The following UBOX5 variants were observed in gnomAD, a reference collection of about 807,000 sequenced individuals.
The protein encoded by UBOX5 is RING finger protein 37.
In UBOX5, 28 loss-of-function variants were observed where a neutral mutation model predicts 39.0. The observed-to-expected ratio is 0.72, with a 90% CI of 0.53 to 0.98. UBOX5 has a LOEUF of 0.98. Among genes scored for constraint, UBOX5 ranks in the 50% least tolerant of loss-of-function variants. UBOX5 has a pLI of 0.00. For synonymous variants in UBOX5, 283 were observed against 275.5 expected (o/e 1.03, Z -0.27); for missense variants, 585 against 674.4 (o/e 0.87, Z 1.47).
At chr20:3,112,674 T>C (rs931036142) in intron 4 of UBOX5, among the ~76,000 whole-genome samples, 3 of 152,006 alleles carry the variant, frequency 2.0e-5, no homozygotes, top group Admixed American at 6.6e-5. Context: ...GACACAGTGG[T>C]CGGGCACGGT....
intron 1 of UBOX5, among the ~76,000 whole-genome samples, chr20:3,140,127 T>C (rs1039703795): frequency 1.0e-4 from 15 of 150,200 alleles, no homozygotes; most frequent in African/African-American, 3.4e-4. Context: ...GCTCAAGCGA[T>C]TGTCCTGTCT....
chr20:3,146,266 G>C (rs1167553871), intron 1 of UBOX5, among the ~76,000 whole-genome samples: 2 of 151,538 alleles, frequency 1.3e-5, no homozygotes, highest in Admixed American at 6.6e-5. Flanking sequence ...GTTTGAATCT[G>C]GGAGGCGGAG....
chr20:3,119,217 G>T (rs558648216), intron 3 of UBOX5, among the ~76,000 whole-genome samples: 4 of 152,310 alleles, frequency 2.6e-5, no homozygotes, highest in African/African-American at 9.6e-5. Context: ...CCTATGGAGA[G>T]GCCCACAAGG....
intron 4 of UBOX5, among the ~76,000 whole-genome samples, chr20:3,111,944 G>A (rs1036240727): frequency 3.3e-5 from 5 of 152,098 alleles, no homozygotes; most frequent in Admixed American, 6.6e-5. Context: ...TGCCCTACAC[G>A]GGGAGCAGGA....
At chr20:3,111,718 C>G (rs2066255233) in intron 4 of UBOX5, 1 of 152,568 alleles carries the variant, frequency 6.6e-6, no homozygotes. Flanking sequence ...CTTTCCTGTG[C>G]TTTCAGAGCC....
At chr20:3,150,441 C>CA (rs1313405744) in intron 1 of UBOX5, 2 of 152,162 alleles carry the variant, frequency 1.3e-5, no homozygotes, top group Non-Finnish European at 2.9e-5. Context: ...GTATAATGCC[C>CA]ATTTTTCTCC....
chr20:3,143,347 C>A (rs1269564713), intron 1 of UBOX5, among the ~76,000 whole-genome samples: 3 of 151,974 alleles, frequency 2.0e-5, no homozygotes, highest in African/African-American at 7.2e-5. Flanking sequence ...AGTGGTCTGC[C>A]CGCCTCAGCT....
At chr20:3,133,349 T>C (rs2066444404) in intron 1 of UBOX5, among the ~76,000 whole-genome samples, 1 of 152,150 alleles carries the variant, frequency 6.6e-6, no homozygotes, top group Non-Finnish European at 1.5e-5. Context: ...GCTGAGGAAA[T>C]GGCCATGTAA....
At chr20:3,151,852 T>A (rs1270474788) in intron 1 of UBOX5, 2 of 151,516 alleles carry the variant, frequency 1.3e-5, no homozygotes, top group African/African-American at 4.8e-5. Context: ...TGCCTGTAAT[T>A]CCAGCACTTT....
intron 1 of UBOX5, among the ~76,000 whole-genome samples, chr20:3,158,740 C>T (rs1050168269): frequency 1.3e-5 from 2 of 152,224 alleles, no homozygotes; most frequent in African/African-American, 4.8e-5. Flanking sequence ...TCCCAAAGTG[C>T]TGGGATTACA....
rs2066342070 is a variant in UBOX5, at chr20:3,122,096, T to C, written c.543A>G (p.Thr181=). The change falls in exon 3 of 5, where the codon ACA becomes ACG. Residue 181 remains threonine, a synonymous_variant. Coordinates refer to ENST00000217173, the MANE Select transcript of UBOX5 (RefSeq NM_014948.4). ...AHLRICITHV[T]GGGIPCIKRL... ...GCTTGATACAAGGGATACCGCCGCC[T>C]GTCACATGGGTGATACAGATCCTTA... The C allele has an allele frequency of 3.1e-6, 5 of 1,614,264 alleles. No individual in the cohort carries two copies. In the East Asian group the frequency reaches 1.1e-4, roughly 36 times the overall value.
At chr20:3,120,092 A>G (rs903822153) in intron 3 of UBOX5, among the ~76,000 whole-genome samples, 1 of 152,148 alleles carries the variant, frequency 6.6e-6, no homozygotes, top group Admixed American at 6.6e-5. Flanking sequence ...AGTGGCTTGC[A>G]GATCCCAGCA....
At chr20:3,157,107 A>G (rs201118741) in intron 1 of UBOX5, among the ~76,000 whole-genome samples, 1 of 147,822 alleles carries the variant, frequency 6.8e-6, no homozygotes, top group African/African-American at 2.6e-5. Context: ...CCAAAAAAAA[A>G]GGGCAAAAAA....
rs746613584 is a variant in UBOX5, at chr20:3,115,462, T to C, written c.1260A>G (p.Pro420=). ...SLTHMDCSTG[P]LSHEQKLSQS... ...GTGACAGCTTCTGCTCGTGGGACAG[T>C]GGACCTGTCGAGAGATGCGCACAGC... Residue 420 remains proline (P), a synonymous_variant, in exon 4 of 5, where the codon CCA becomes CCG. Coordinates refer to ENST00000217173, the MANE Select transcript of UBOX5 (RefSeq NM_014948.4). 20 of 1,612,458 alleles carry C rather than the reference T, an allele frequency of 1.2e-5. No homozygotes were observed. Among genetic ancestry groups the C allele is most frequent in the Non-Finnish European group, 1.7e-5 (20 of 1,179,236 alleles).
intron 3 of UBOX5, among the ~76,000 whole-genome samples, chr20:3,119,922 T>TG (rs1469176005): frequency 6.6e-6 from 1 of 152,072 alleles, no homozygotes; most frequent in Non-Finnish European, 1.5e-5. Flanking sequence ...GTATTCACAC[T>TG]GAACACATTC....
chr20:3,111,341 C>G (rs183460860), intron 4 of UBOX5, among the ~76,000 whole-genome samples: 1 of 152,284 alleles, frequency 6.6e-6, no homozygotes, highest in Non-Finnish European at 1.5e-5. Context: ...TCACCATAAT[C>G]CAGGCCGCTC....
chr20:3,120,302 A>G (rs1225984464), intron 3 of UBOX5, among the ~76,000 whole-genome samples: 1 of 147,912 alleles, frequency 6.8e-6, no homozygotes, highest in African/African-American at 2.5e-5. Flanking sequence ...AGCCAATATC[A>G]CGCCACTGCA....
At chr20:3,133,237 A>T (rs1418341151) in intron 1 of UBOX5, among the ~76,000 whole-genome samples, 29 of 152,178 alleles carry the variant, frequency 1.9e-4, no homozygotes, top group Admixed American at 1.9e-3. Flanking sequence ...AATACCCTGG[A>T]CTTTTAAGGT....
chr20:3,120,948 C>G (rs1274259452), intron 3 of UBOX5, among the ~76,000 whole-genome samples: 1 of 152,156 alleles, frequency 6.6e-6, no homozygotes, highest in Non-Finnish European at 1.5e-5. Context: ...GAGGAGCCCA[C>G]TGTCACATGA....
Sources: gnomAD v4.1 joint callset for allele counts (sites outside exome capture counted in the v4.1 genomes callset) on GRCh38, gnomAD v4.1.1 for gene constraint, MANE v1.5 for transcripts, NCBI Gene and HGNC (gene_info 2026-07-23, HGNC 2026-07-21) for gene names.